The following UBE2B variants were observed in gnomAD, a reference collection of about 807,000 sequenced individuals.
UBE2B encodes the protein ubiquitin-conjugating enzyme E2 B.
In UBE2B, 11 loss-of-function variants were observed where a neutral mutation model predicts 24.6. The observed-to-expected ratio is 0.45, with a 90% CI of 0.28 to 0.74. The LOEUF (loss-of-function observed/expected upper bound fraction) is 0.74. Among genes scored for constraint, UBE2B ranks in the 30% least tolerant of loss-of-function variants. UBE2B has a pLI of 0.13. For missense variants in UBE2B, 78 were observed against 185.6 expected (o/e 0.42, Z 3.37); for synonymous variants, 68 against 62.4 (o/e 1.09, Z -0.42).
Position 134,391,410 on chromosome 5 carries a change from T to C in UBE2B, c.*1057T>C, listed in dbSNP as rs1223152857. 1.3e-5 allele frequency: 2 copies of C among 152,626 alleles called. No homozygotes were observed. The highest frequency in any genetic ancestry group is 4.8e-5 in the African/African-American group (2 of 41,450). The allele number at this position is 152,626 out of a possible 1,614,324, so 9.5% of individuals were successfully genotyped here. ...AATCTCCTGAGTTGTATAAAAGTTG[T>C]ACTGCATCTTAGTTTACTGGATAAA... is the stretch of plus-strand genomic sequence containing the variant. On this transcript the variant is annotated 3_prime_UTR_variant, in exon 6 of 6. Coordinates refer to ENST00000265339, the MANE Select transcript of UBE2B (RefSeq NM_003337.4).
intron 3 of UBE2B, 38 bp downstream of exon 3, chr5:134,376,732 G>A: frequency 6.4e-7 from 1 of 1,569,578 alleles, no homozygotes; most frequent in Non-Finnish European, 8.6e-7. Context: ...AGTGTTATGA[G>A]GTTACTTTTT....
At position 134,390,170 on chromosome 5, in the gene UBE2B, CT is replaced by C; in HGVS notation, c.331-54del. 1.9e-6 allele frequency: 3 copies of C among 1,606,562 alleles called. No individual in the cohort carries two copies. Among genetic ancestry groups the C allele is most frequent in the Non-Finnish European group, 2.6e-6 (3 of 1,175,762 alleles). ...CTGTAATATATTCCATATCTGACCC[CT>C]GTTGGTATAAAGAACAACTATGCAA... On this transcript the variant is annotated intron_variant, in intron 5 of 5. Coordinates refer to ENST00000265339, the MANE Select transcript of UBE2B (RefSeq NM_003337.4). The surrounding 1 kb of genome is among the most constrained non-coding windows in gnomAD (Gnocchi z 4.6).
In UBE2B at chr5:134,391,514, A is replaced by C. The variant is rs531796700; in HGVS notation, c.*1161A>C. The C allele has an allele frequency of 6.5e-6, 1 of 152,798 alleles. No individual in the cohort carries two copies. The highest frequency in any genetic ancestry group is 2.1e-4 in the South Asian group (1 of 4,826). The allele number at this position is 152,798 out of a possible 1,614,324, so 9.5% of individuals were successfully genotyped here. On this transcript the variant is annotated 3_prime_UTR_variant, in exon 6 of 6. Coordinates refer to ENST00000265339, the MANE Select transcript of UBE2B (RefSeq NM_003337.4). ...TAGTATAGAAAATGGAAAATATACA[A>C]GTAAATTCTGTTGAACCACCTGTGT...
chr5:134,383,026 A>G (rs751850944), intron 4 of UBE2B, among the ~76,000 whole-genome samples: 70 of 151,952 alleles, frequency 4.6e-4, no homozygotes, highest in Non-Finnish European at 3.7e-4. Context: ...TTAGCTGGGC[A>G]TGGTGGCGCA....
At chr5:134,381,648 T>TA (rs1282270681) in intron 4 of UBE2B, among the ~76,000 whole-genome samples, 2 of 152,068 alleles carry the variant, frequency 1.3e-5, no homozygotes, top group African/African-American at 4.8e-5. Context: ...ACTCCTGAAT[T>TA]AAAAGTAATA....
intron 4 of UBE2B, among the ~76,000 whole-genome samples, chr5:134,383,206 G>A (rs550984272): frequency 2.0e-5 from 3 of 152,112 alleles, no homozygotes; most frequent in Non-Finnish European, 4.4e-5. Flanking sequence ...ATGGCAAAAT[G>A]TTCTGTTACA....
intron 5 of UBE2B, 118 bp downstream of exon 5, chr5:134,388,531 C>T: frequency 2.2e-6 from 2 of 910,446 alleles, no homozygotes; most frequent in Non-Finnish European, 3.6e-6. Flanking sequence ...TTTCAGCTAA[C>T]TTTTCTCTTT....
chr5:134,375,055 C>G (rs928691484), intron 2 of UBE2B, among the ~76,000 whole-genome samples: 7 of 151,916 alleles, frequency 4.6e-5, no homozygotes, highest in African/African-American at 1.5e-4. Context: ...AAATACTATT[C>G]AAAACTAAAT....
Position 134,384,555 on chromosome 5 carries a change from T to C in UBE2B, c.241+3747T>C, listed in dbSNP as rs186606077. Among the ~76,000 whole-genome samples the C allele has an allele frequency of 7.7e-4, 118 of 152,298 alleles. 1 individual carries two copies. The highest frequency in any genetic ancestry group is 2.7e-3 in the African/African-American group (111 of 41,558). On this transcript the variant is annotated intron_variant, in intron 4 of 5. Coordinates refer to ENST00000265339, the MANE Select transcript of UBE2B (RefSeq NM_003337.4). ...GTAGAATGAGTAAGGGATATAAATA[T>C]AGGGTTATCACTTAAGCAAATTTTT...
rs567521806 is a variant in UBE2B at position 134,374,324 on chromosome 5, C to A, written c.45-59C>A. ...ATGGTATAGTGTCTGTAGGTGTTTA[C>A]GTGGCCTCCTTAGTGGCCTTAATGT... On this transcript the variant is annotated intron_variant, in intron 1 of 5. Coordinates refer to ENST00000265339, the MANE Select transcript of UBE2B (RefSeq NM_003337.4). The A allele has an allele frequency of 6.1e-6, 9 of 1,477,566 alleles. No individual in the cohort carries two copies. In the East Asian group the frequency reaches 2.0e-4, roughly 32 times the overall value. The allele number at this position is 1,477,566 out of a possible 1,614,324, so 91.5% of individuals were successfully genotyped here. A position where few individuals can be genotyped will look rare whatever the true frequency, so the allele number is the denominator to read the frequency against.
At chr5:134,380,680 G>A (rs368164319) in intron 3 of UBE2B, 39 bp from the exon 4 acceptor site, 85 of 1,198,388 alleles carry the variant, frequency 7.1e-5, no homozygotes, top group South Asian at 1.2e-4. Context: ...TTAAAAAGTC[G>A]TGCTTGTCTT....
intron 3 of UBE2B, among the ~76,000 whole-genome samples, chr5:134,379,469 A>G (rs529687190): frequency 6.6e-6 from 1 of 152,100 alleles, no homozygotes; most frequent in African/African-American, 2.4e-5. Context: ...AACATGGTGA[A>G]ACGTCGTCTC....
intron 4 of UBE2B, among the ~76,000 whole-genome samples, chr5:134,385,945 G>A (rs1381796223): frequency 7.9e-5 from 12 of 151,920 alleles, no homozygotes; most frequent in South Asian, 2.1e-4. Context: ...CCCAGGAGGC[G>A]GAGGTTGCAG....
chr5:134,383,956 G>A (rs1758756409), intron 4 of UBE2B, among the ~76,000 whole-genome samples: 1 of 151,944 alleles, frequency 6.6e-6, no homozygotes, highest in East Asian at 1.9e-4. Context: ...TCACTTCATA[G>A]AGTAGTTTGT....
chr5:134,375,091 A>G (rs927753184), intron 2 of UBE2B, among the ~76,000 whole-genome samples: 6 of 152,268 alleles, frequency 3.9e-5, no homozygotes, highest in East Asian at 1.9e-4. Context: ...AGGAGAAACA[A>G]TAAGTTACTT....
intron 5 of UBE2B, chr5:134,388,957 T>C: frequency 2.8e-6 from 1 of 351,674 alleles, no homozygotes; most frequent in Admixed American, 4.1e-5. Context: ...TTTTTTTTTT[T>C]TTTTTTTTTT....
In UBE2B at chr5:134,390,262, A is replaced by G; in HGVS notation, c.368A>G (p.Asn123Ser). ...LDEPNPNSPA[N>S]SQAAQLYQEN... Reference sequence around the variant, plus strand: ...GAACCGAATCCTAACAGTCCAGCCAATAGCCAGGCAGCACAGCTTTATCAG... The same window carrying G: ...GAACCGAATCCTAACAGTCCAGCCAGTAGCCAGGCAGCACAGCTTTATCAG... The change falls in exon 6 of 6, where the codon AAT becomes AGT. Residue 123 changes from asparagine to serine, a missense_variant. This residue lies in a region of UBE2B where 57 missense variants were observed against 167.7 expected (regional missense o/e 0.34). Coordinates refer to ENST00000265339, the MANE Select transcript of UBE2B (RefSeq NM_003337.4). This position sits in a 1 kb window ranked among gnomAD's most constrained non-coding sequence, Gnocchi z 4.6. 1 of 1,614,158 alleles carries G rather than the reference A, an allele frequency of 6.2e-7. No individual in the cohort carries two copies. The highest frequency in any genetic ancestry group is 8.5e-7 in the Non-Finnish European group (1 of 1,180,022).
intron 4 of UBE2B, among the ~76,000 whole-genome samples, chr5:134,387,672 A>G (rs1278443085): frequency 6.6e-6 from 1 of 152,254 alleles, no homozygotes; most frequent in East Asian, 1.9e-4. Flanking sequence ...ACAAGACATA[A>G]GAAAAGGTGC....
At chr5:134,373,908 A>G (rs1429585235) in intron 1 of UBE2B, among the ~76,000 whole-genome samples, 1 of 152,190 alleles carries the variant, frequency 6.6e-6, no homozygotes, top group Non-Finnish European at 1.5e-5. Flanking sequence ...GGTTGGTTCC[A>G]AGTCTTTGCT....
Sources: allele counts gnomAD v4.1 joint callset (sites outside exome capture counted in the v4.1 genomes callset), GRCh38; gene constraint gnomAD v4.1.1; regional missense constraint gnomAD v4.1.1; non-coding constraint Gnocchi (gnomAD v3.1); transcripts MANE v1.5; gene names NCBI Gene and HGNC (gene_info 2026-07-23, HGNC 2026-07-21).